UTP6: variants seen among roughly 807,000 people sequenced by gnomAD.
UTP6 encodes the protein U3 small nucleolar RNA-associated protein 6 homolog.
In UTP6, 60 loss-of-function variants were observed where a neutral mutation model predicts 96.5. The ratio of observed to expected loss-of-function variants is 0.62; its 90% CI spans 0.51 to 0.77. The LOEUF is 0.77. UTP6 is among the 30% of genes least tolerant of loss of function. The pLI, the probability that UTP6 is intolerant of heterozygous loss-of-function variation, is 0.00. For synonymous variants in UTP6, 215 were observed against 240.1 expected (o/e 0.90, Z 0.96); for missense variants, 637 against 706.5 (o/e 0.90, Z 1.12).
intron 16 of UTP6, among the ~76,000 whole-genome samples, chr17:31,871,926 G>C (rs535936090): frequency 7.3e-4 from 111 of 151,830 alleles, no homozygotes; most frequent in African/African-American, 2.6e-3. Context: ...GGGCACAGTG[G>C]CTCACACCTG....
chr17:31,892,082 GTA>G, intron 6 of UTP6, 176 bp downstream of exon 6: 1 of 622,290 alleles, frequency 1.6e-6, no homozygotes, highest in South Asian at 1.9e-5. Context: ...ACAGTAACTA[GTA>G]TATAGTAGGC....
rs188457962 is a variant in UTP6, at chr17:31,900,384, C to T, written c.93-654G>A. Among the ~76,000 whole-genome samples, 105 of 152,050 alleles carry T rather than the reference C, an allele frequency of 6.9e-4. No individual in the cohort carries two copies. In the East Asian group the frequency reaches 9.4e-3, roughly 14 times the overall value. On this transcript the variant is annotated intron_variant, in intron 1 of 18. Transcript: ENST00000261708. ...TTGGCTCACTACAACCTCGGCCTCC[C>T]GAGTTCAAGCGATTCTCCTGCCTCA...
Position 31,901,568 on chromosome 17 carries a change from C to T in UTP6, c.60G>A (p.Glu20=). ...EDRLPELEQL[E]RIGLFSHAEI... ...CCGCATGACTGAACAGTCCAATGCG[C>T]TCCAGCTGTTCCAATTCCGGGAGCC... The change falls in exon 1 of 19, where the codon GAG becomes GAA. Residue 20 remains glutamate (E), a synonymous_variant. Coordinates refer to ENST00000261708, the MANE Select transcript of UTP6 (RefSeq NM_018428.3). 1 of 1,614,108 alleles carries T rather than the reference C, an allele frequency of 6.2e-7. No individual in the cohort carries two copies. Among genetic ancestry groups the T allele is most frequent in the Non-Finnish European group, 8.5e-7 (1 of 1,180,044 alleles).
At position 31,897,402 on chromosome 17, in the gene UTP6, CTGTCTTT is replaced by C. The variant is rs556506426; in HGVS notation, c.177+2237_177+2243del. Among the ~76,000 whole-genome samples, 532 of 149,856 alleles carry C rather than the reference CTGTCTTT, an allele frequency of 3.6e-3. 7 individuals are homozygous for C. Among genetic ancestry groups the C allele is most frequent in the African/African-American group, 0.012 (507 of 40,808 alleles). On this transcript the variant is annotated intron_variant, in intron 2 of 18. Coordinates refer to ENST00000261708, the MANE Select transcript of UTP6 (RefSeq NM_018428.3). ...CAAGGTTCATATATTGTTTGTTCGG[CTGTCTTT>C]TGTCTTTTTAAATCTAAGCTCAAAA...
rs1342073297 is a variant in UTP6 at position 31,889,500 on chromosome 17, T to C, written c.425-97A>G. On this transcript the variant is annotated intron_variant, in intron 6 of 18. Coordinates refer to ENST00000261708, the MANE Select transcript of UTP6 (RefSeq NM_018428.3). ...CCAATTTTAATACTCGCACAATTTT[T>C]TTTTTTTTTTTTTTTTGAGACAGTC... The C allele has an allele frequency of 8.8e-6, 8 of 904,800 alleles. No individual in the cohort carries two copies. In the African/African-American group the frequency reaches 1.4e-4, roughly 15 times the overall value. 56.0% of individuals were successfully genotyped at this position (904,800 alleles called of 1,614,324 possible).
At chr17:31,871,283 C>T (rs537041011) in intron 16 of UTP6, among the ~76,000 whole-genome samples, 1 of 152,080 alleles carries the variant, frequency 6.6e-6, no homozygotes, top group Admixed American at 6.6e-5. Context: ...TGAGCCACCG[C>T]ACCCGGCCTT....
At chr17:31,881,447 T>C (rs1910835637) in intron 10 of UTP6, among the ~76,000 whole-genome samples, 1 of 151,848 alleles carries the variant, frequency 6.6e-6, no homozygotes, top group Non-Finnish European at 1.5e-5. Context: ...TTGTATTTCT[T>C]TGGGAGAGAT....
rs1904989971 is a variant in UTP6 at position 31,901,666 on chromosome 17, C to G, written c.-39G>C. 1.3e-6 allele frequency: 2 copies of G among 1,598,596 alleles called. No homozygotes were observed. Among genetic ancestry groups the G allele is most frequent in the Non-Finnish European group, 1.7e-6 (2 of 1,169,406 alleles). ...TACAACCCCGCGGGTAGCTTCTCAA[C>G]AGCGAACACGAGCAGGAAGCTCCCG... On this transcript the variant is annotated 5_prime_UTR_variant, in exon 1 of 19. Coordinates refer to ENST00000261708, the MANE Select transcript of UTP6 (RefSeq NM_018428.3).
At chr17:31,880,876 T>A in intron 10 of UTP6, 122 bp from the exon 11 acceptor site, 1 of 1,325,584 alleles carries the variant, frequency 7.5e-7, no homozygotes, top group Non-Finnish European at 1.0e-6. Flanking sequence ...TGCAGTACCA[T>A]AAAAACTATT....
intron 16 of UTP6, among the ~76,000 whole-genome samples, chr17:31,870,545 G>A (rs1051547388): frequency 2.6e-4 from 38 of 147,108 alleles, no homozygotes; most frequent in Non-Finnish European, 4.3e-4. Flanking sequence ...TTTTTGAGAC[G>A]GAGTCTTGAT....
Position 31,865,425 on chromosome 17 carries a change from A to G in UTP6, c.1577T>C (p.Met526Thr), listed in dbSNP as rs1226726149. Residue 526 changes from methionine (M) to threonine (T), a missense_variant, in exon 18 of 19, where the codon ATG (methionine) becomes ACG (threonine). Transcript: ENST00000261708. ...QFEKEQESCN[M>T]ANIREYYERA... ...CTCATAATATTCTCTTATGTTCGCC[A>G]TATTGCAGGATTCCTGACAAAGATA... 3 of 1,614,024 alleles carry G rather than the reference A, an allele frequency of 1.9e-6. No homozygotes were observed. The highest frequency in any genetic ancestry group is 2.2e-5 in the South Asian group (2 of 91,080).
chr17:31,872,927 C>CAA (rs58988382), intron 16 of UTP6, among the ~76,000 whole-genome samples: 4 of 131,934 alleles, frequency 3.0e-5, no homozygotes, highest in African/African-American at 1.1e-4. Flanking sequence ...CTCAAAAAAA[C>CAA]AAAAAAAAAA....
At chr17:31,880,824 A>G (rs1241838626) in intron 10 of UTP6, 70 bp from the exon 11 acceptor site, 1 of 1,589,078 alleles carries the variant, frequency 6.3e-7, no homozygotes. Flanking sequence ...AGAAACAGTT[A>G]CCTGTGCTTA....
chr17:31,886,145 C>T (rs575537009), intron 8 of UTP6, 84 bp from the exon 9 acceptor site: 8 of 1,145,214 alleles, frequency 7.0e-6, no homozygotes, highest in Non-Finnish European at 1.0e-5. Flanking sequence ...TCCTAGACTA[C>T]CTGTGCCATA....
Position 31,863,209 on chromosome 17 carries a change from A to T in UTP6, c.*150T>A. On this transcript the variant is annotated 3_prime_UTR_variant, in exon 19 of 19. Transcript: ENST00000261708. ...AATTTTTTAATTTTTAAAAAGATTT[A>T]ACAAGTTAACATAAAATTAAAGTGT... is the stretch of plus-strand genomic sequence containing the variant. 1 of 840,644 alleles carries T rather than the reference A, an allele frequency of 1.2e-6. No homozygotes were observed. Among genetic ancestry groups the T allele is most frequent in the Non-Finnish European group, 1.9e-6 (1 of 537,750 alleles). The allele number at this position is 840,644 out of a possible 1,614,324, so 52.1% of individuals were successfully genotyped here.
rs1909758372 is a variant in UTP6, at chr17:31,865,418, G to A, written c.1584C>T (p.Asn528=). 1 of 1,613,872 alleles carries A rather than the reference G, an allele frequency of 6.2e-7. No homozygotes were observed. Among genetic ancestry groups the A allele is most frequent in the Non-Finnish European group, 8.5e-7 (1 of 1,179,938 alleles). The change falls in exon 18 of 19, where the codon AAC becomes AAT. Residue 528 remains asparagine, a synonymous_variant. Coordinates refer to ENST00000261708, the MANE Select transcript of UTP6 (RefSeq NM_018428.3). ...EKEQESCNMA[N]IREYYERALR... The stretch of plus-strand genomic sequence containing the variant: ...AAGCTCTCTCATAATATTCTCTTAT[G>A]TTCGCCATATTGCAGGATTCCTGAC...
rs756984797 is a variant in UTP6, at chr17:31,892,280, G to A, written c.404C>T (p.Ala135Val). ...RLSKVFSAML[A>V]IHSNKPALWI... ...CATACCTGGTTTGTTGGAATGAATC[G>A]CCAACATGGCAGAGAATACCTTGCT... Residue 135 changes from alanine (A) to valine (V), a missense_variant, in exon 6 of 19, where the codon GCG (alanine) becomes GTG (valine). Transcript: ENST00000261708. The A allele has an allele frequency of 3.2e-5, 52 of 1,613,946 alleles. No individual in the cohort carries two copies. Among genetic ancestry groups the A allele is most frequent in the Non-Finnish European group, 4.2e-5 (49 of 1,179,998 alleles).
At chr17:31,884,060 G>A (rs1213717159) in intron 10 of UTP6, among the ~76,000 whole-genome samples, 1 of 145,822 alleles carries the variant, frequency 6.9e-6, no homozygotes, top group African/African-American at 2.6e-5. Context: ...GTGCAATTGT[G>A]GGATCTTGGC....
intron 3 of UTP6, 34 bp downstream of exon 3, chr17:31,894,935 AT>A: frequency 1.9e-6 from 3 of 1,546,272 alleles, no homozygotes; most frequent in Non-Finnish European, 2.7e-6. Flanking sequence ...TTAGTTCTGT[AT>A]TTTTCTCCAA....
Sources: gnomAD v4.1 joint callset for allele counts (sites outside exome capture counted in the v4.1 genomes callset) on GRCh38, gnomAD v4.1.1 for gene constraint, MANE v1.5 for transcripts, NCBI Gene and HGNC (gene_info 2026-07-23, HGNC 2026-07-21) for gene names.